SLFN12L: variants seen among roughly 807,000 people sequenced by gnomAD.
SLFN12L encodes the protein schlafen family member 12 like.
A neutral mutation model predicts 34.8 loss-of-function variants in SLFN12L; 34 were observed. The observed-to-expected ratio is 0.98, with a 90% CI of 0.74 to 1.30. The LOEUF (loss-of-function observed/expected upper bound fraction) is 1.30, where lower values mean the gene tolerates loss of function less well. SLFN12L is among the 50% of genes most tolerant of loss of function. SLFN12L has a pLI of 0.00. For synonymous variants in SLFN12L, 259 were observed against 247.5 expected, an observed-to-expected ratio of 1.05 and a Z score of -0.44; for missense variants, 703 against 696.2, an observed-to-expected ratio of 1.01 and a Z score of -0.11.
At chr17:35,498,477 C>CA in intron 2 of SLFN12L, 1 of 1,221,352 alleles carries the variant, frequency 8.2e-7, no homozygotes, top group Admixed American at 1.7e-5. Context: ...TGATTCCCCG[C>CA]ATAGCCACGA....
rs1913859316 is a variant in SLFN12L at position 35,474,315 on chromosome 17, T to C, written c.*608A>G. 6.6e-6 allele frequency: 1 copy of C among 152,276 alleles called. No homozygotes were observed. Among genetic ancestry groups the C allele is most frequent in the Non-Finnish European group, 1.5e-5 (1 of 68,056 alleles). The allele number at this position is 152,276 out of a possible 1,614,324, so 9.4% of individuals were successfully genotyped here. On this transcript the variant is annotated 3_prime_UTR_variant, in exon 5 of 5. Coordinates refer to ENST00000628453, the MANE Select transcript of SLFN12L (RefSeq NM_001363830.2). Reference sequence around the variant, plus strand: ...CCTTTATAGTCAAATGACATCTTGGTATGGCAAAACATGTGTAGGTAATTA... The same window carrying C: ...CCTTTATAGTCAAATGACATCTTGGCATGGCAAAACATGTGTAGGTAATTA...
rs71152720 is a variant in SLFN12L, at chr17:35,474,769, CAA to C, written c.*152_*153del. 5,789 of 594,284 alleles carry C rather than the reference CAA, an allele frequency of 9.7e-3. 28 individuals carry two copies. The highest frequency in any genetic ancestry group is 0.039 in the African/African-American group (1,925 of 49,310). 36.8% of individuals were successfully genotyped at this position (594,284 alleles called of 1,614,324 possible). A position where few individuals can be genotyped will look rare whatever the true frequency, so the allele number is the denominator to read the frequency against. On this transcript the variant is annotated 3_prime_UTR_variant, in exon 5 of 5. Coordinates refer to ENST00000628453, the MANE Select transcript of SLFN12L (RefSeq NM_001363830.2). ...TGAAACCCCATCTCTGCTAAAAATA[CAA>C]AAAAAAAAAAATTAGCCAGGTGTGG... is the stretch of plus-strand genomic sequence containing the variant.
intron 2 of SLFN12L, among the ~76,000 whole-genome samples, chr17:35,500,825 G>A (rs942414494): frequency 6.6e-6 from 1 of 152,050 alleles, no homozygotes; most frequent in African/African-American, 2.4e-5. Flanking sequence ...CCCCTGTGCT[G>A]TTGTGCTCCA....
chr17:35,511,892 A>T (rs544204065), intron 2 of SLFN12L, among the ~76,000 whole-genome samples: 13 of 152,400 alleles, frequency 8.5e-5, no homozygotes, highest in African/African-American at 3.1e-4. Context: ...TACATTGTCA[A>T]CATGGCACTA....
intron 2 of SLFN12L, among the ~76,000 whole-genome samples, chr17:35,496,235 A>T (rs62078155): frequency 0.35 from 53,388 of 151,704 alleles, 10,320 homozygotes; most frequent in Non-Finnish European, 0.44. Flanking sequence ...TGTAATCCCG[A>T]CACTTTGGGA....
chr17:35,520,374 C>T (rs1915961031), intron 2 of SLFN12L, among the ~76,000 whole-genome samples: 1 of 152,358 alleles, frequency 6.6e-6, no homozygotes, highest in South Asian at 2.1e-4. Flanking sequence ...CCTGAAAAGA[C>T]TTTTGATGTG....
chr17:35,503,802 A>T (rs1915378889), intron 2 of SLFN12L, among the ~76,000 whole-genome samples: 1 of 152,040 alleles, frequency 6.6e-6, no homozygotes, highest in African/African-American at 2.4e-5. Context: ...TCATGTTCTC[A>T]TCAAAGGGTG....
chr17:35,479,304 A>C lies in SLFN12L; in HGVS notation c.978T>G (p.Asn326Lys). ...ATACTCCAAGGAATTTGCATAAGTA[A>C]TTTATCGTCCCCTTCTCCACACAGA... ...HHFCVEKGTI[N>K]YLCKFLGVYD... The change falls in exon 3 of 5, where the codon AAT (asparagine) becomes AAG (lysine). Residue 326 changes from asparagine (N) to lysine (K), a missense_variant. Coordinates refer to ENST00000628453, the MANE Select transcript of SLFN12L (RefSeq NM_001363830.2). The C allele has an allele frequency of 6.3e-7, 1 of 1,587,472 alleles. No individual in the cohort carries two copies. The highest frequency in any genetic ancestry group is 8.6e-7 in the Non-Finnish European group (1 of 1,165,262).
intron 1 of SLFN12L, among the ~76,000 whole-genome samples, chr17:35,534,100 T>A (rs959358982): frequency 9.5e-5 from 14 of 147,838 alleles, no homozygotes; most frequent in African/African-American, 3.5e-4. Flanking sequence ...CGGTGTCTCA[T>A]GCCTGTGATC....
At chr17:35,515,144 G>A in intron 2 of SLFN12L, 1 of 627,846 alleles carries the variant, frequency 1.6e-6, no homozygotes, top group Non-Finnish European at 3.1e-6. Flanking sequence ...CCGATGAAAA[G>A]GGCCCCGAAT....
rs1309516118 is a variant in SLFN12L, at chr17:35,471,309, G to T, written c.*3614C>A. Reference sequence around the variant, plus strand: ...CTACCACCACTCCCAGCTAATTCTTGTATTTTTAGTAGAAATGGGGTTTCA... The same window carrying T: ...CTACCACCACTCCCAGCTAATTCTTTTATTTTTAGTAGAAATGGGGTTTCA... On this transcript the variant is annotated 3_prime_UTR_variant, in exon 5 of 5. Coordinates refer to ENST00000628453, the MANE Select transcript of SLFN12L (RefSeq NM_001363830.2). 6.6e-6 allele frequency among the ~76,000 whole-genome samples: 1 copy of T among 151,916 alleles called. No individual in the cohort carries two copies.
intron 2 of SLFN12L, among the ~76,000 whole-genome samples, chr17:35,502,431 A>C (rs946151937): frequency 1.4e-3 from 207 of 148,598 alleles, no homozygotes; most frequent in Non-Finnish European, 1.9e-3. Context: ...AAAAAAAAAA[A>C]AAAAAAAAAA....
chr17:35,499,937 C>G (rs1373142376), intron 2 of SLFN12L: 2 of 155,668 alleles, frequency 1.3e-5, no homozygotes, highest in African/African-American at 4.8e-5. Flanking sequence ...AGTTAACTTT[C>G]CTTCAGAGTG....
chr17:35,527,833 G>A (rs1054875598), intron 1 of SLFN12L, among the ~76,000 whole-genome samples: 1 of 152,108 alleles, frequency 6.6e-6, no homozygotes, highest in Non-Finnish European at 1.5e-5. Context: ...AGTCAACATA[G>A]TATTGGAAGT....
chr17:35,498,611 C>A lies in SLFN12L; in HGVS notation c.87-18416G>T, dbSNP rs531092675. 28 of 1,610,240 alleles carry A rather than the reference C, an allele frequency of 1.7e-5. No homozygotes were observed. In the South Asian group the frequency reaches 2.4e-4, roughly 14 times the overall value. ...ATGGAATGTTTCTGCAGAAAGCTAG[C>A]CAGAAGGGCGTCATTGAGCAGCTAC... On this transcript the variant is annotated intron_variant, in intron 2 of 4. Transcript: ENST00000628453.
chr17:35,504,364 T>C (rs1310900773), intron 2 of SLFN12L, among the ~76,000 whole-genome samples: 1 of 152,222 alleles, frequency 6.6e-6, no homozygotes, highest in Non-Finnish European at 1.5e-5. Context: ...CCGGTTTTTG[T>C]AATTTCCTAA....
chr17:35,512,359 ATTTTTTTT>A (rs35126425), intron 2 of SLFN12L, among the ~76,000 whole-genome samples: 2 of 53,866 alleles, frequency 3.7e-5, no homozygotes, highest in Non-Finnish European at 3.3e-5. Flanking sequence ...AAAAGAGCTG[ATTTTTTTT>A]TTTTTTTTTT....
At chr17:35,508,600 G>GTCTCA (rs1915542822) in intron 2 of SLFN12L, among the ~76,000 whole-genome samples, 1 of 152,106 alleles carries the variant, frequency 6.6e-6, no homozygotes, top group Admixed American at 6.5e-5. Flanking sequence ...TGCCCACCTT[G>GTCTCA]GCCTCCCAAA....
chr17:35,537,185 A>T (rs573677646), intron 1 of SLFN12L, among the ~76,000 whole-genome samples: 1 of 152,148 alleles, frequency 6.6e-6, no homozygotes, highest in East Asian at 1.9e-4. Flanking sequence ...GTCTCAAAAA[A>T]AAAAGAGAAT....
Sources: allele counts gnomAD v4.1 joint callset (sites outside exome capture counted in the v4.1 genomes callset), GRCh38; gene constraint gnomAD v4.1.1; transcripts MANE v1.5; gene names NCBI Gene and HGNC (gene_info 2026-07-23, HGNC 2026-07-21).